CUBN: variants seen among roughly 807,000 people sequenced by gnomAD.
CUBN encodes the protein 460 kDa receptor.
CUBN carries 282 observed loss-of-function variants against 405.3 expected under a neutral mutation model. The observed-to-expected ratio is 0.70, with a 90% CI of 0.63 to 0.77. The LOEUF is 0.77. CUBN is among the 30% of genes least tolerant of loss of function. The pLI is 0.00. For synonymous variants in CUBN, 1,684 were observed against 1,617.0 expected, an observed-to-expected ratio of 1.04 and a Z score of -0.99; for missense variants, 4,514 against 4,475.2, an observed-to-expected ratio of 1.01 and a Z score of -0.25.
At chr10:16,858,300 GCTTAA>G (rs1281615878) in intron 59 of CUBN, among the ~76,000 whole-genome samples, 1 of 152,066 alleles carries the variant, frequency 6.6e-6, no homozygotes, top group Non-Finnish European at 1.5e-5. Flanking sequence ...ACATCAAAAA[GCTTAA>G]CTTATTTTTA....
At chr10:17,099,715 G>T (rs1177881929) in intron 14 of CUBN, among the ~76,000 whole-genome samples, 6 of 151,984 alleles carry the variant, frequency 3.9e-5, no homozygotes, top group Admixed American at 2.6e-4. Flanking sequence ...AGCCTGGAGT[G>T]GTGGTGCACA....
chr10:16,993,175 G>C (rs1168228862), intron 28 of CUBN, among the ~76,000 whole-genome samples: 1 of 152,076 alleles, frequency 6.6e-6, no homozygotes, highest in African/African-American at 2.4e-5. Flanking sequence ...CTTTCTATCA[G>C]TAGTATCAAA....
Position 16,904,572 on chromosome 10 carries a change from T to C in CUBN, c.7913-457A>G, listed in dbSNP as rs188349806. ...ACTGAAATGGACTCCATATTCGGCA[T>C]TCAGGCCAAGAGCTGTCAGATCTGA... On this transcript the variant is annotated intron_variant, in intron 50 of 66. Transcript: ENST00000377833. Among the ~76,000 whole-genome samples the C allele has an allele frequency of 1.6e-3, 239 of 152,366 alleles. 1 individual carries two copies. The highest frequency in any genetic ancestry group is 5.3e-3 in the African/African-American group (222 of 41,586).
chr10:16,936,714 G>C lies in CUBN; in HGVS notation c.5926+878C>G, dbSNP rs12264700. 4.4e-3 allele frequency among the ~76,000 whole-genome samples: 663 copies of C among 152,118 alleles called. 3 individuals are homozygous for C. Among genetic ancestry groups the C allele is most frequent in the African/African-American group, 0.015 (638 of 41,516 alleles). ...ACGCTCAAATTCATTTAAATAAATT[G>C]CTTTTCTTTTCTTTTCGAAACGGAG... On this transcript the variant is annotated intron_variant, in intron 39 of 66. Coordinates refer to ENST00000377833, the MANE Select transcript of CUBN (RefSeq NM_001081.4).
chr10:16,975,624 C>CTTTTTTTT (rs199779818), intron 31 of CUBN, among the ~76,000 whole-genome samples: 15 of 124,308 alleles, frequency 1.2e-4, no homozygotes, highest in Non-Finnish European at 2.1e-4. Flanking sequence ...TAAAGACCTT[C>CTTTTTTTT]TTTTTTTTTT....
At chr10:16,968,232 G>A (rs887422989) in intron 31 of CUBN, among the ~76,000 whole-genome samples, 2 of 152,130 alleles carry the variant, frequency 1.3e-5, no homozygotes, top group Non-Finnish European at 2.9e-5. Flanking sequence ...AGAGGATGCT[G>A]CGTTAGGTAT....
intron 51 of CUBN, among the ~76,000 whole-genome samples, chr10:16,902,244 A>C (rs1841415845): frequency 7.3e-6 from 1 of 137,444 alleles, no homozygotes; most frequent in African/African-American, 2.7e-5. Context: ...TATACTATAT[A>C]TATTTGTATA....
intron 18 of CUBN, 94 bp from the exon 19 acceptor site, chr10:17,071,698 C>T (rs1027011677): frequency 2.9e-5 from 43 of 1,472,146 alleles, no homozygotes; most frequent in Middle Eastern, 1.8e-4. Flanking sequence ...AGGAGATAAC[C>T]GAATATAACA....
intron 27 of CUBN, among the ~76,000 whole-genome samples, chr10:17,027,498 T>G (rs1230052816): frequency 6.6e-6 from 1 of 152,168 alleles, no homozygotes; most frequent in Non-Finnish European, 1.5e-5. Context: ...ATGATATACT[T>G]TAGGATTTTT....
At chr10:17,040,981 CA>C in intron 27 of CUBN, 51 bp downstream of exon 27, 1 of 1,535,162 alleles carries the variant, frequency 6.5e-7, no homozygotes, top group Non-Finnish European at 9.0e-7. Context: ...TAACTTGACA[CA>C]TCTCCCTTGA....
intron 31 of CUBN, among the ~76,000 whole-genome samples, chr10:16,965,021 G>A (rs1462512298): frequency 6.6e-6 from 1 of 152,160 alleles, no homozygotes; most frequent in Non-Finnish European, 1.5e-5. Flanking sequence ...AGTAAATGCC[G>A]GAAGCATGTA....
intron 64 of CUBN, among the ~76,000 whole-genome samples, chr10:16,833,986 G>A (rs1336453403): frequency 2.6e-5 from 4 of 152,204 alleles, no homozygotes; most frequent in Admixed American, 6.5e-5. Context: ...AGCCAGTTTA[G>A]AGACGGTCAG....
intron 64 of CUBN, among the ~76,000 whole-genome samples, chr10:16,832,852 G>T (rs1339029455): frequency 1.3e-5 from 2 of 152,106 alleles, no homozygotes; most frequent in African/African-American, 4.8e-5. Flanking sequence ...CGTTCCCACC[G>T]CAGTTCACAA....
chr10:17,006,868 C>A (rs948981556), intron 28 of CUBN, among the ~76,000 whole-genome samples: 1 of 152,188 alleles, frequency 6.6e-6, no homozygotes, highest in Non-Finnish European at 1.5e-5. Context: ...ATTTGAGAGG[C>A]TGATGTCATC....
intron 28 of CUBN, among the ~76,000 whole-genome samples, chr10:17,016,016 T>C (rs746280055): frequency 2.6e-5 from 4 of 152,160 alleles, no homozygotes; most frequent in Non-Finnish European, 5.9e-5. Flanking sequence ...TAATAATGCC[T>C]CCAGATTTTG....
chr10:16,937,393 A>T (rs948897353), intron 39 of CUBN, among the ~76,000 whole-genome samples, 199 bp downstream of exon 39: 1 of 152,186 alleles, frequency 6.6e-6, no homozygotes, highest in African/African-American at 2.4e-5. Context: ...ATATAATGGG[A>T]CCTGCATTTT....
chr10:17,099,229 G>A (rs1179092284), intron 14 of CUBN, among the ~76,000 whole-genome samples: 1 of 152,074 alleles, frequency 6.6e-6, no homozygotes, highest in Non-Finnish European at 1.5e-5. Context: ...TGAATTGGGG[G>A]CATGGTATAC....
At chr10:16,952,424 GC>G in intron 32 of CUBN, 35 bp from the exon 33 acceptor site, 1 of 1,191,478 alleles carries the variant, frequency 8.4e-7, no homozygotes, top group South Asian at 1.2e-5. Context: ...CATGTCATAT[GC>G]TTTTCATTTC....
At chr10:16,878,516 C>G (rs1404451080) in intron 56 of CUBN, among the ~76,000 whole-genome samples, 1 of 152,118 alleles carries the variant, frequency 6.6e-6, no homozygotes, top group African/African-American at 2.4e-5. Flanking sequence ...AGTTTTTCAT[C>G]ATTTCATCAG....
Sources: gnomAD v4.1 joint callset for allele counts (sites outside exome capture counted in the v4.1 genomes callset) on GRCh38, gnomAD v4.1.1 for gene constraint, MANE v1.5 for transcripts, NCBI Gene and HGNC (gene_info 2026-07-23, HGNC 2026-07-21) for gene names.